EYS: variants seen among roughly 807,000 people sequenced by gnomAD.
EYS encodes protein eyes shut homolog.
In EYS, 250 loss-of-function variants were observed where a neutral mutation model predicts 282.1. The observed-to-expected ratio is 0.89, with a 90% CI of 0.80 to 0.98. The LOEUF (loss-of-function observed/expected upper bound fraction) is 0.98. Ranked by LOEUF, EYS falls within the 50% of genes least tolerant of loss-of-function variation. EYS has a pLI of 0.00. For synonymous variants in EYS, 1,355 were observed against 1,282.9 expected (o/e 1.06, Z -1.20); for missense variants, 4,016 against 3,709.0 (o/e 1.08, Z -2.15).
chr6:65,519,391 T>G (rs1767262510), intron 2 of EYS, among the ~76,000 whole-genome samples: 1 of 151,702 alleles, frequency 6.6e-6, no homozygotes, highest in Non-Finnish European at 1.5e-5. Context: ...AAATTAAACT[T>G]TTATCGTGTA....
intron 29 of EYS, among the ~76,000 whole-genome samples, chr6:64,322,343 C>T (rs1254872497): frequency 3.3e-5 from 5 of 151,878 alleles, no homozygotes; most frequent in African/African-American, 1.2e-4. Flanking sequence ...TTAGTAGAAA[C>T]CCAGATAAAG....
At chr6:65,458,335 T>A (rs538537237) in intron 5 of EYS, among the ~76,000 whole-genome samples, 1 of 152,256 alleles carries the variant, frequency 6.6e-6, no homozygotes, top group South Asian at 2.1e-4. Flanking sequence ...TCCACCAACC[T>A]ATGACTTGCT....
chr6:64,682,193 T>A (rs1769924854), intron 22 of EYS, among the ~76,000 whole-genome samples: 1 of 152,118 alleles, frequency 6.6e-6, no homozygotes, highest in Non-Finnish European at 1.5e-5. Context: ...TGAAATCCTG[T>A]CTCTACTAAA....
At chr6:64,810,056 A>G (rs1417089295) in intron 22 of EYS, among the ~76,000 whole-genome samples, 1 of 152,070 alleles carries the variant, frequency 6.6e-6, no homozygotes, top group East Asian at 1.9e-4. Flanking sequence ...ACAATATGTA[A>G]GCAATATTGC....
At chr6:65,390,889 A>C (rs1464242904) in intron 7 of EYS, among the ~76,000 whole-genome samples, 1 of 127,468 alleles carries the variant, frequency 7.8e-6, no homozygotes, top group African/African-American at 2.6e-5. Context: ...GTCTCTAAAA[A>C]ATAAAAAAAT....
chr6:63,951,949 G>A (rs547174380), intron 35 of EYS, among the ~76,000 whole-genome samples: 10 of 152,194 alleles, frequency 6.6e-5, no homozygotes, highest in African/African-American at 2.2e-4. Flanking sequence ...TACCCAATCT[G>A]CTCCCGACAT....
At chr6:64,897,717 A>G (rs565288351) in intron 18 of EYS, among the ~76,000 whole-genome samples, 13 of 152,324 alleles carry the variant, frequency 8.5e-5, no homozygotes, top group African/African-American at 3.1e-4. Context: ...ATAAAATGTT[A>G]GAGGAATTGC....
chr6:64,241,714 G>T (rs1166349470), intron 30 of EYS, among the ~76,000 whole-genome samples: 5 of 150,810 alleles, frequency 3.3e-5, no homozygotes, highest in African/African-American at 1.2e-4. Flanking sequence ...TCTGATCTTG[G>T]TTATTTCTTG....
chr6:65,596,458 A>C (rs1765406150), intron 2 of EYS, among the ~76,000 whole-genome samples: 1 of 152,098 alleles, frequency 6.6e-6, no homozygotes. Context: ...ACATTACTGA[A>C]TATTGGGAAA....
intron 12 of EYS, among the ~76,000 whole-genome samples, chr6:65,212,096 T>G (rs992550467): frequency 6.6e-6 from 1 of 151,328 alleles, no homozygotes; most frequent in Admixed American, 6.6e-5. Flanking sequence ...AAAAAAAAAA[T>G]TTAAAAGTCA....
At chr6:65,004,570 T>C (rs1241347483) in intron 13 of EYS, among the ~76,000 whole-genome samples, 2 of 147,550 alleles carry the variant, frequency 1.4e-5, no homozygotes, top group African/African-American at 4.9e-5. Flanking sequence ...GGGGAAACAT[T>C]TCCAAATCCA....
intron 14 of EYS, among the ~76,000 whole-genome samples, chr6:64,988,669 C>A (rs1483946287): frequency 6.6e-6 from 1 of 151,468 alleles, no homozygotes; most frequent in Non-Finnish European, 1.5e-5. Context: ...TAGAGCATAA[C>A]CTCATCCTCA....
In EYS at chr6:64,093,722, T is replaced by C. The variant is rs575641203; in HGVS notation, c.6425-11720A>G. 1.3e-5 allele frequency among the ~76,000 whole-genome samples: 2 copies of C among 152,278 alleles called. 1 individual carries two copies. The highest frequency in any genetic ancestry group is 4.2e-4 in the South Asian group (2 of 4,810). On this transcript the variant is annotated intron_variant, in intron 31 of 42. Coordinates refer to ENST00000503581, the MANE Select transcript of EYS (RefSeq NM_001142800.2). ...CAAACAGGGACAATTTGACTTCCTC[T>C]TTTCCTAGTTGAATACCCTTTATTT...
intron 23 of EYS, among the ~76,000 whole-genome samples, chr6:64,621,787 C>T (rs981097824): frequency 6.6e-6 from 1 of 152,136 alleles, no homozygotes; most frequent in Non-Finnish European, 1.5e-5. Flanking sequence ...CCATTGCACC[C>T]CTGCTGGGTA....
intron 28 of EYS, among the ~76,000 whole-genome samples, chr6:64,391,306 T>A (rs907061509): frequency 1.3e-5 from 2 of 151,514 alleles, no homozygotes; most frequent in African/African-American, 4.9e-5. Context: ...GAAGAGCAAC[T>A]CCAAGACACA....
rs117844931 is a variant in EYS, at chr6:64,609,460, G to C, written c.3684+7958C>G. On this transcript the variant is annotated intron_variant, in intron 24 of 42. Transcript: ENST00000503581. Reference sequence around the variant, plus strand: ...GCTACAGTACAGGGTTAGAAGATCAGGAGGAAGTGAGGCTAGAGAAGTTAT... The same window carrying C: ...GCTACAGTACAGGGTTAGAAGATCACGAGGAAGTGAGGCTAGAGAAGTTAT... 1.3e-3 allele frequency among the ~76,000 whole-genome samples: 195 copies of C among 152,284 alleles called. 4 individuals are homozygous for C. The highest frequency in any genetic ancestry group is 8.0e-3 in the Admixed American group (122 of 15,286).
intron 22 of EYS, among the ~76,000 whole-genome samples, chr6:64,648,544 G>T (rs1582994976): frequency 6.6e-6 from 1 of 152,114 alleles, no homozygotes; most frequent in Non-Finnish European, 1.5e-5. Context: ...CGGCTTAAGG[G>T]CACTTAAAAA....
intron 26 of EYS, among the ~76,000 whole-genome samples, chr6:64,512,121 G>A (rs1777429130): frequency 6.6e-6 from 1 of 151,818 alleles, no homozygotes; most frequent in East Asian, 1.9e-4. Flanking sequence ...ATACATACAT[G>A]CATATATACA....
chr6:64,866,303 C>T (rs1766423418), intron 19 of EYS, among the ~76,000 whole-genome samples: 1 of 151,906 alleles, frequency 6.6e-6, no homozygotes, highest in Admixed American at 6.6e-5. Flanking sequence ...AGTCCTACTA[C>T]AGTTGATTAA....
Sources: allele counts gnomAD v4.1 joint callset (sites outside exome capture counted in the v4.1 genomes callset), GRCh38; gene constraint gnomAD v4.1.1; transcripts MANE v1.5; gene names NCBI Gene and HGNC (gene_info 2026-07-23, HGNC 2026-07-21).